KIF1A: variants seen among roughly 807,000 people sequenced by gnomAD.
KIF1A encodes kinesin-like protein KIF1A.
A neutral mutation model predicts 227.3 loss-of-function variants in KIF1A; 46 were observed. The observed-to-expected ratio is 0.20, with a 90% CI of 0.16 to 0.26. The LOEUF (loss-of-function observed/expected upper bound fraction) is 0.26, where lower values mean the gene tolerates loss of function less well. Ranked by LOEUF, KIF1A falls within the 10% of genes least tolerant of loss-of-function variation. KIF1A has a pLI of 1.00. For missense variants in KIF1A, 1,683 were observed against 2,485.9 expected, an observed-to-expected ratio of 0.68 and a Z score of 6.87; for synonymous variants, 1,022 against 1,012.8, an observed-to-expected ratio of 1.01 and a Z score of -0.17.
At chr2:240,769,296 C>T in intron 16 of KIF1A, 88 bp from the exon 17 acceptor site, 2 of 1,204,056 alleles carry the variant, frequency 1.7e-6, no homozygotes, top group Admixed American at 2.1e-5. Context: ...GGCAGCGGGC[C>T]TGTGGCCACC....
Position 240,757,585 on chromosome 2 carries a change from G to A in KIF1A, c.2592C>T (p.Ile864=). 1.3e-6 allele frequency: 2 copies of A among 1,541,558 alleles called. No homozygotes were observed. The highest frequency in any genetic ancestry group is 1.8e-6 in the Non-Finnish European group (2 of 1,142,364). Residue 864 remains isoleucine (I), a synonymous_variant, in exon 27 of 49, where the codon ATC becomes ATT. Transcript: ENST00000498729. This position sits in a 1 kb window ranked among gnomAD's most constrained non-coding sequence, Gnocchi z 6.2. ...GAAGAGGGTAGCTGTTGCAGCCAGAGATGGCTGAACTGAGGTTAGTGCGAC... is the reference window on the plus strand; with the variant it reads ...GAAGAGGGTAGCTGTTGCAGCCAGAAATGGCTGAACTGAGGTTAGTGCGAC... ...PWFRLVGSSA[I]SGCNSYPLLN...
At chr2:240,811,850 C>T (rs13416972) in intron 1 of KIF1A, among the ~76,000 whole-genome samples, 1,991 of 152,118 alleles carry the variant, frequency 0.013, 31 homozygotes, top group African/African-American at 0.045. Context: ...GGCAACACCA[C>T]GGGTGTCTGA....
rs569715050 is a variant in KIF1A at position 240,765,974 on chromosome 2, C to A, written c.1685-181G>T. ...GCCTCAGAGGAGCTTAGGGGTCTCACCCCACTTAACAGAGGAAGAAAGTGA... is the reference window on the plus strand; with the variant it reads ...GCCTCAGAGGAGCTTAGGGGTCTCAACCCACTTAACAGAGGAAGAAAGTGA... On this transcript the variant is annotated intron_variant, in intron 19 of 48. Coordinates refer to ENST00000498729, the MANE Select transcript of KIF1A (RefSeq NM_001244008.2). Among the ~76,000 whole-genome samples, 42 of 152,352 alleles carry A rather than the reference C, an allele frequency of 2.8e-4. 1 individual carries two copies. The highest frequency in any genetic ancestry group is 2.5e-3 in the Admixed American group (39 of 15,310).
chr2:240,778,496 G>A lies in KIF1A; in HGVS notation c.883-2570C>T. 9.0e-6 allele frequency among the ~76,000 whole-genome samples: 1 copy of A among 111,464 alleles called. No individual in the cohort carries two copies. Among genetic ancestry groups the A allele is most frequent in the African/African-American group, 4.1e-5 (1 of 24,152 alleles). 73.1% of individuals were successfully genotyped at this position (111,464 alleles called of 152,430 possible). On this transcript the variant is annotated intron_variant, in intron 10 of 48. Coordinates refer to ENST00000498729, the MANE Select transcript of KIF1A (RefSeq NM_001244008.2). This position sits in a 1 kb window ranked among gnomAD's most constrained non-coding sequence, Gnocchi z 7.2. Reference sequence around the variant, plus strand: ...TCAGAGCTCTCAGCAGGCGCTCGCAGCTCCCGCACAGCGTTACACACACAC... The same window carrying A: ...TCAGAGCTCTCAGCAGGCGCTCGCAACTCCCGCACAGCGTTACACACACAC...
chr2:240,767,965 C>T (rs977591237), intron 17 of KIF1A, among the ~76,000 whole-genome samples: 4 of 152,212 alleles, frequency 2.6e-5, no homozygotes, highest in Admixed American at 1.3e-4. Flanking sequence ...CGTCACTGGA[C>T]GAAGGGGACA....
At chr2:240,747,050 C>T (rs2048685319) in intron 29 of KIF1A, among the ~76,000 whole-genome samples, 186 bp downstream of exon 29, 1 of 152,090 alleles carries the variant, frequency 6.6e-6, no homozygotes, top group African/African-American at 2.4e-5. Context: ...TCAGGGCAAA[C>T]CCGGGAAAAG....
Position 240,770,896 on chromosome 2 carries a change from A to G in KIF1A, c.1341+75T>C, listed in dbSNP as rs978037877. The G allele has an allele frequency of 1.2e-5, 18 of 1,542,094 alleles. No individual in the cohort carries two copies. The African/African-American group carries it at 1.8e-4, about 15-fold the overall frequency. ...GAGGATGGGCTGTACCCAGGAGGGC[A>G]GGGTGCCTCTCTAACTCCTCCGAGC... On this transcript the variant is annotated intron_variant, in intron 15 of 48. Transcript: ENST00000498729.
chr2:240,724,939 G>T (rs942129340), intron 40 of KIF1A: 16 of 164,476 alleles, frequency 9.7e-5, no homozygotes, highest in South Asian at 3.6e-4. Context: ...GGCGGCGGGG[G>T]GGGGGGGGGG....
chr2:240,809,919 T>A (rs896459126), intron 1 of KIF1A, among the ~76,000 whole-genome samples: 7 of 151,912 alleles, frequency 4.6e-5, no homozygotes, highest in Admixed American at 3.3e-4. Context: ...TGTGCCTCAG[T>A]CACCCAAGTA....
rs139500105 is a variant in KIF1A at position 240,753,551 on chromosome 2, C to T, written c.2859-3004G>A. Among the ~76,000 whole-genome samples the T allele has an allele frequency of 7.4e-4, 112 of 152,310 alleles. 2 individuals carry two copies. The East Asian group carries it at 0.019, about 26-fold the overall frequency. On this transcript the variant is annotated intron_variant, in intron 27 of 48. Transcript: ENST00000498729. ...TCGCAACCCCAGGCTCAGATCATCC[C>T]ATTATGAAGCAACATGGCAGAAATC...
At chr2:240,718,190 G>C in intron 47 of KIF1A, 22 bp from the exon 48 acceptor site, 2 of 1,521,628 alleles carry the variant, frequency 1.3e-6, no homozygotes, top group Non-Finnish European at 1.8e-6. Flanking sequence ...GGCAGCTGGT[G>C]AGGAGGTGCC....
At chr2:240,754,987 A>G (rs1258971691) in intron 27 of KIF1A, among the ~76,000 whole-genome samples, 1 of 152,004 alleles carries the variant, frequency 6.6e-6, no homozygotes, top group East Asian at 1.9e-4. Context: ...CCTCCCAGGG[A>G]CCCTTATCCC....
intron 14 of KIF1A, among the ~76,000 whole-genome samples, chr2:240,771,995 A>G (rs1378247335): frequency 6.6e-6 from 1 of 152,184 alleles, no homozygotes; most frequent in Non-Finnish European, 1.5e-5. Flanking sequence ...AAGCTCGGGG[A>G]GGCACTGAGC....
At chr2:240,782,775 G>T (rs944775508) in intron 9 of KIF1A, among the ~76,000 whole-genome samples, 168 bp from the exon 10 acceptor site, 2 of 152,136 alleles carry the variant, frequency 1.3e-5, no homozygotes, top group Non-Finnish European at 1.5e-5. Flanking sequence ...CTCCAGGGCC[G>T]CCCTTCCCGG....
intron 1 of KIF1A, among the ~76,000 whole-genome samples, chr2:240,808,479 C>G (rs536937904): frequency 6.7e-6 from 1 of 150,124 alleles, no homozygotes; most frequent in South Asian, 2.2e-4. Context: ...AGCAACATAG[C>G]AAGACCCATT....
chr2:240,768,522 C>T (rs1263844473), intron 17 of KIF1A, among the ~76,000 whole-genome samples: 2 of 152,188 alleles, frequency 1.3e-5, no homozygotes, highest in African/African-American at 4.8e-5. Context: ...GGGACTAGAA[C>T]CACAAGAAAG....
At position 240,719,196 on chromosome 2, in the gene KIF1A, G is replaced by A. The variant is rs779705838; in HGVS notation, c.5024C>T (p.Pro1675Leu). Residue 1675 changes from proline (P) to leucine (L), a missense_variant and splice_region_variant, in exon 47 of 49, where the codon CCG becomes CTG. Around this residue, in one of 12 missense-constraint regions of KIF1A, gnomAD observed 384 missense variants for 410.1 expected, o/e 0.94. Coordinates refer to ENST00000498729, the MANE Select transcript of KIF1A (RefSeq NM_001244008.2). ...VPDIQEIRVS[P>L]IVSKKGYLHF... ...CAGGTACCCCTTCTTGGAAACGATC[G>A]GGCTGAAGGCAGAGAGAGCTGCTCG... 9.4e-6 allele frequency: 15 copies of A among 1,603,588 alleles called. No homozygotes were observed. Among genetic ancestry groups the A allele is most frequent in the East Asian group, 2.3e-5 (1 of 44,358 alleles).
In KIF1A at chr2:240,752,360, C is replaced by A. The variant is rs1371337917; in HGVS notation, c.2859-1813G>T. 6.6e-6 allele frequency among the ~76,000 whole-genome samples: 1 copy of A among 152,144 alleles called. No individual in the cohort carries two copies. Among genetic ancestry groups the A allele is most frequent in the African/African-American group, 2.4e-5 (1 of 41,440 alleles). On this transcript the variant is annotated intron_variant, in intron 27 of 48. Coordinates refer to ENST00000498729, the MANE Select transcript of KIF1A (RefSeq NM_001244008.2). This position sits in a 1 kb window ranked among gnomAD's most constrained non-coding sequence, Gnocchi z 6.4. ...AGTCACGAGAGGACACTGAGGCCCACAGGGCGGGGCCCCTCCCCACAGTCC... is the reference window on the plus strand; with the variant it reads ...AGTCACGAGAGGACACTGAGGCCCAAAGGGCGGGGCCCCTCCCCACAGTCC...
rs140674901 is a variant in KIF1A at position 240,782,623 on chromosome 2, CAGAG to C, written c.865-20_865-17del. On this transcript the variant is annotated splice_polypyrimidine_tract_variant and intron_variant, in intron 9 of 48. Coordinates refer to ENST00000498729, the MANE Select transcript of KIF1A (RefSeq NM_001244008.2). ...GTCCGGAGTCCTGAAAAGGAAAAGA[CAGAG>C]AGAGGCTGAGGCCCGGAGCGAAGCT... 0.012 allele frequency: 18,420 copies of C among 1,551,472 alleles called. 137 individuals carry two copies. The highest frequency in any genetic ancestry group is 0.014 in the Non-Finnish European group (16,140 of 1,147,178).
Sources: gnomAD v4.1 joint callset for allele counts (sites outside exome capture counted in the v4.1 genomes callset) on GRCh38, gnomAD v4.1.1 for gene constraint, gnomAD v4.1.1 regional missense constraint, Gnocchi (gnomAD v3.1) non-coding constraint, MANE v1.5 for transcripts, NCBI Gene and HGNC (gene_info 2026-07-23, HGNC 2026-07-21) for gene names.